PTPRQ: variants seen among roughly 807,000 people sequenced by gnomAD.
PTPRQ encodes the protein protein tyrosine phosphatase receptor type Q.
PTPRQ carries 199 observed loss-of-function variants against 246.0 expected under a neutral mutation model. That is an observed-to-expected ratio of 0.81 (90% CI 0.72 to 0.91). PTPRQ has a LOEUF of 0.91. PTPRQ is among the 40% of genes least tolerant of loss of function. The pLI is 0.00. For missense variants in PTPRQ, 2,624 were observed against 2,528.4 expected, an observed-to-expected ratio of 1.04 and a Z score of -0.81; for synonymous variants, 869 against 853.2, an observed-to-expected ratio of 1.02 and a Z score of -0.32.
chr12:80,497,240 G>C (rs1305529706), intron 14 of PTPRQ, among the ~76,000 whole-genome samples: 1 of 151,824 alleles, frequency 6.6e-6, no homozygotes, highest in Non-Finnish European at 1.5e-5. Flanking sequence ...CCCTGAGCTT[G>C]TTTTCCTGCA....
At chr12:80,605,495 A>T (rs1479908995) in intron 27 of PTPRQ, among the ~76,000 whole-genome samples, 1 of 151,296 alleles carries the variant, frequency 6.6e-6, no homozygotes, top group Non-Finnish European at 1.5e-5. Flanking sequence ...ATGTATGTAT[A>T]TATACACACA....
At chr12:80,543,316 G>T (rs765024463) in intron 23 of PTPRQ, among the ~76,000 whole-genome samples, 5 of 144,744 alleles carry the variant, frequency 3.5e-5, no homozygotes, top group Non-Finnish European at 6.0e-5. Context: ...TACACTAATT[G>T]GTCTTTTACG....
At chr12:80,456,890 A>G (rs1487260811) in intron 3 of PTPRQ, among the ~76,000 whole-genome samples, 2 of 152,128 alleles carry the variant, frequency 1.3e-5, no homozygotes, top group Non-Finnish European at 2.9e-5. Flanking sequence ...GACAAGATAA[A>G]TGTTACTTAC....
Position 80,494,942 on chromosome 12 carries a change from G to A in PTPRQ, c.1550G>A (p.Arg517Lys), listed in dbSNP as rs748960988. The change falls in exon 11 of 45, where the codon AGG becomes AAG. Residue 517 changes from arginine to lysine, a missense_variant. Transcript: ENST00000644991. ...TACTGAATTCAAACAGTAACTACAA[G>A]GAATCAGTATATTACTGACATTGCA... ...EDQTSPVVTT[R>K]NQYITDIAAE... 5.1e-5 allele frequency: 78 copies of A among 1,538,394 alleles called. No homozygotes were observed. Among genetic ancestry groups the A allele is most frequent in the South Asian group, 5.0e-5 (4 of 80,698 alleles).
chr12:80,584,657 C>T (rs143368435), intron 25 of PTPRQ, among the ~76,000 whole-genome samples: 242 of 152,212 alleles, frequency 1.6e-3, no homozygotes, highest in Non-Finnish European at 2.9e-3. Flanking sequence ...CTCACATCAC[C>T]CTCTCTTCCA....
chr12:80,463,055 G>A (rs1013483755), intron 6 of PTPRQ, among the ~76,000 whole-genome samples: 11 of 152,182 alleles, frequency 7.2e-5, no homozygotes, highest in Admixed American at 5.9e-4. Flanking sequence ...GGCTTCGGAC[G>A]ATCAAACTAC....
chr12:80,494,021 T>G (rs534550512), intron 10 of PTPRQ, among the ~76,000 whole-genome samples: 8 of 152,130 alleles, frequency 5.3e-5, no homozygotes, highest in African/African-American at 1.9e-4. Context: ...TCTCTCTAGT[T>G]TTTCTAAAAT....
At chr12:80,648,687 A>G (rs1160120409) in intron 35 of PTPRQ, among the ~76,000 whole-genome samples, 2 of 152,152 alleles carry the variant, frequency 1.3e-5, no homozygotes, top group African/African-American at 4.8e-5. Flanking sequence ...TCAGCTCGAG[A>G]AAGAATGTAA....
intron 3 of PTPRQ, among the ~76,000 whole-genome samples, chr12:80,456,247 A>G (rs1892979203): frequency 6.6e-6 from 1 of 152,146 alleles, no homozygotes; most frequent in Non-Finnish European, 1.5e-5. Flanking sequence ...AAGTGTGCCT[A>G]TTTGCAGAAT....
At chr12:80,573,260 C>A (rs1424134405) in intron 25 of PTPRQ, among the ~76,000 whole-genome samples, 2 of 152,176 alleles carry the variant, frequency 1.3e-5, no homozygotes, top group Admixed American at 1.3e-4. Flanking sequence ...GAGGCCAAGG[C>A]AGGCGGATCA....
chr12:80,470,163 C>T (rs569038035), intron 7 of PTPRQ, among the ~76,000 whole-genome samples: 7 of 152,180 alleles, frequency 4.6e-5, no homozygotes, highest in South Asian at 4.1e-4. Flanking sequence ...ATAAGAAAAA[C>T]GAGAATTACT....
chr12:80,627,232 G>A (rs1023334843), intron 33 of PTPRQ, among the ~76,000 whole-genome samples: 5 of 151,768 alleles, frequency 3.3e-5, no homozygotes, highest in Admixed American at 6.6e-5. Flanking sequence ...ATGGAATTGA[G>A]TAACTTTTAG....
intron 25 of PTPRQ, among the ~76,000 whole-genome samples, chr12:80,583,511 A>G (rs926138966): frequency 2.6e-5 from 4 of 152,296 alleles, no homozygotes; most frequent in Middle Eastern, 3.4e-3. Flanking sequence ...AATGCAGGCT[A>G]TACAAACTAA....
intron 17 of PTPRQ, among the ~76,000 whole-genome samples, chr12:80,533,196 T>C (rs1895893277): frequency 1.3e-5 from 2 of 152,096 alleles, no homozygotes; most frequent in South Asian, 2.1e-4. Context: ...AGCATCACTA[T>C]ACACATGTTC....
chr12:80,601,271 G>A (rs1020304749), intron 26 of PTPRQ, among the ~76,000 whole-genome samples: 3 of 151,526 alleles, frequency 2.0e-5, no homozygotes, highest in African/African-American at 7.3e-5. Context: ...TAAAATGGAA[G>A]TTCCATGGTC....
rs12317496 is a variant in PTPRQ, at chr12:80,535,568, T to C, written c.2985+531T>C. 8.6e-3 allele frequency among the ~76,000 whole-genome samples: 1,307 copies of C among 152,290 alleles called. 16 individuals carry two copies. The highest frequency in any genetic ancestry group is 0.03 in the African/African-American group (1,247 of 41,566). The stretch of plus-strand genomic sequence containing the variant: ...CAGATGAAATGAAGACCACTCGGAA[T>C]GTGTTTAATTAATTTGTCATAGATA... On this transcript the variant is annotated intron_variant, in intron 19 of 44. Coordinates refer to ENST00000644991, the MANE Select transcript of PTPRQ (RefSeq NM_001145026.2).
intron 3 of PTPRQ, among the ~76,000 whole-genome samples, chr12:80,446,254 G>A (rs1043805271): frequency 3.4e-5 from 5 of 148,776 alleles, no homozygotes; most frequent in African/African-American, 1.2e-4. Flanking sequence ...GCTTTAGACT[G>A]GAAAGAAAGT....
At chr12:80,594,123 A>T (rs528016145) in intron 26 of PTPRQ, among the ~76,000 whole-genome samples, 1 of 152,338 alleles carries the variant, frequency 6.6e-6, no homozygotes, top group Admixed American at 6.5e-5. Context: ...GGCAAAGTAC[A>T]CTTTAACATT....
Position 80,549,719 on chromosome 12 carries a change from A to G in PTPRQ, c.4270A>G (p.Thr1424Ala). The change falls in exon 25 of 45, where the codon ACA (threonine) becomes GCA (alanine). Residue 1424 changes from threonine to alanine, a missense_variant. Transcript: ENST00000644991. ...EGDESTCHVS[T>A]LPETVPSVPT... ...TGATGAAAGCACATGCCATGTCAGC[A>G]CACTACCTGAAACAGGTAACTAACG... 1 of 1,548,200 alleles carries G rather than the reference A, an allele frequency of 6.5e-7. No homozygotes were observed. Among genetic ancestry groups the G allele is most frequent in the Non-Finnish European group, 8.7e-7 (1 of 1,145,162 alleles).
Sources: allele counts gnomAD v4.1 joint callset (sites outside exome capture counted in the v4.1 genomes callset), GRCh38; gene constraint gnomAD v4.1.1; transcripts MANE v1.5; gene names NCBI Gene and HGNC (gene_info 2026-07-23, HGNC 2026-07-21).